Variants in UGT2B10 observed in about 807,000 individuals in gnomAD.
UGT2B10 encodes UDP-glucuronosyltransferase 2B10.
In UGT2B10, 51 loss-of-function variants were observed where a neutral mutation model predicts 43.7. The ratio of observed to expected loss-of-function variants is 1.17; its 90% CI spans 0.93 to 1.47. The LOEUF (loss-of-function observed/expected upper bound fraction) is 1.47, where lower values mean the gene tolerates loss of function less well. Ranked by LOEUF, UGT2B10 falls within the 40% of genes most tolerant of loss-of-function variation. UGT2B10 has a pLI of 0.00. For synonymous variants in UGT2B10, 225 were observed against 209.0 expected (o/e 1.08, Z -0.66); for missense variants, 696 against 617.7 (o/e 1.13, Z -1.34).
At chr4:68,817,446 C>T (rs1737268921) in intron 1 of UGT2B10, among the ~76,000 whole-genome samples, 1 of 151,672 alleles carries the variant, frequency 6.6e-6, no homozygotes. Flanking sequence ...TCAATAATTT[C>T]TCAAAAATTT....
At chr4:68,825,471 C>T (rs1031380820) in intron 3 of UGT2B10, among the ~76,000 whole-genome samples, 6 of 151,690 alleles carry the variant, frequency 4.0e-5, no homozygotes, top group African/African-American at 1.5e-4. Flanking sequence ...ATTATTTTTC[C>T]TGATCCTCTC....
chr4:68,819,295 A>T (rs145780962), intron 2 of UGT2B10, among the ~76,000 whole-genome samples: 1,820 of 152,058 alleles, frequency 0.012, 29 homozygotes, highest in African/African-American at 0.042. Context: ...AGAGAACCAG[A>T]TTATTCAGCA....
chr4:68,820,050 A>G (rs1176709659), intron 2 of UGT2B10, among the ~76,000 whole-genome samples: 3 of 151,968 alleles, frequency 2.0e-5, no homozygotes, highest in Admixed American at 6.6e-5. Context: ...AATGAAAAAT[A>G]TATGCCACTC....
chr4:68,827,371 A>G lies in UGT2B10; in HGVS notation c.1130A>G (p.Asn377Ser). 1 of 1,613,378 alleles carries G rather than the reference A, an allele frequency of 6.2e-7. No individual in the cohort carries two copies. Among genetic ancestry groups the G allele is most frequent in the Non-Finnish European group, 8.5e-7 (1 of 1,179,508 alleles). The change falls in exon 5 of 6, where the codon AAT (asparagine) becomes AGT (serine). Residue 377 changes from asparagine (N) to serine (S), a missense_variant. Coordinates refer to ENST00000265403, the MANE Select transcript of UGT2B10 (RefSeq NM_001075.6). The stretch of plus-strand genomic sequence containing the variant: ...GCTTTTATAACTCATGGTGGAGCCA[A>G]TGGCATCTATGAGGCAATCTACCAT... Reference protein sequence around the residue: ...TRAFITHGGANGIYEAIYHGI... With the variant: ...TRAFITHGGASGIYEAIYHGI...
Position 68,816,306 on chromosome 4 carries a change from T to G in UGT2B10, c.287T>G (p.Leu96Trp), listed in dbSNP as rs1737198932. The change falls in exon 1 of 6, where the codon TTG becomes TGG. Residue 96 changes from leucine (L) to tryptophan (W), a missense_variant. Leu to Trp is a moderately conservative substitution (Grantham distance 61, BLOSUM62 -2). Transcript: ENST00000265403. ...ATCATCATGCAATTGGTTAAGAGAT[T>G]GTCAGAAATTCAAAAAGATACATTT... ...ENIIMQLVKR[L>W]SEIQKDTFWL... The G allele has an allele frequency of 5.6e-6, 9 of 1,613,158 alleles. No individual in the cohort carries two copies. The East Asian group carries it at 1.8e-4, about 32-fold the overall frequency.
At position 68,816,289 on chromosome 4, in the gene UGT2B10, G is replaced by A; in HGVS notation, c.270G>A (p.Met90Ile). ...LTKTEFENIIMQLVKRLSEIQ... is the reference protein window; with the variant it reads ...LTKTEFENIIIQLVKRLSEIQ... ...AAACTGAATTTGAGAATATCATCAT[G>A]CAATTGGTTAAGAGATTGTCAGAAA... The change falls in exon 1 of 6, where the codon ATG (methionine) becomes ATA (isoleucine). Residue 90 changes from methionine to isoleucine, a missense_variant. By Grantham distance (10) the Met-to-Ile change is conservative. Transcript: ENST00000265403. 6.2e-7 allele frequency: 1 copy of A among 1,613,086 alleles called. No individual in the cohort carries two copies.
At chr4:68,817,914 C>G in intron 1 of UGT2B10, 115 bp from the exon 2 acceptor site, 1 of 1,246,802 alleles carries the variant, frequency 8.0e-7, no homozygotes, top group Non-Finnish European at 1.1e-6. Flanking sequence ...ACATATTTTT[C>G]AAAGCACACA....
chr4:68,822,754 C>A (rs1173075223), intron 3 of UGT2B10, among the ~76,000 whole-genome samples: 1 of 152,096 alleles, frequency 6.6e-6, no homozygotes, highest in African/African-American at 2.4e-5. Flanking sequence ...CAATATATTT[C>A]AGTTAAGTGA....
At position 68,826,413 on chromosome 4, in the gene UGT2B10, C is replaced by T; in HGVS notation, c.1003C>T (p.Leu335Phe). The change falls in exon 4 of 6, where the codon CTT (leucine) becomes TTT (phenylalanine). Residue 335 changes from leucine to phenylalanine, a missense_variant. Coordinates refer to ENST00000265403, the MANE Select transcript of UGT2B10 (RefSeq NM_001075.6). The part of the protein sequence containing the change: ...TALAKIPQKV[L>F]WRFDGNKPDA... ...GATATTCTCTTTACTGTAACAGGTT[C>T]TTTGGAGATTTGATGGGAATAAACC... 2 of 1,610,176 alleles carry T rather than the reference C, an allele frequency of 1.2e-6. No individual in the cohort carries two copies. Among genetic ancestry groups the T allele is most frequent in the South Asian group, 1.1e-5 (1 of 90,590 alleles).
Position 68,826,469 on chromosome 4 carries a change from C to A in UGT2B10, c.1059C>A (p.Tyr353Ter). The change falls in exon 4 of 6, where the codon TAC becomes TAA. Residue 353 changes from tyrosine to a stop codon, truncating the protein, a stop_gained. Transcript: ENST00000265403. LOFTEE classifies it high-confidence loss of function. ...PDALGLNTRL[Y>*]KWIPQNDLLG... Reference sequence around the variant, plus strand: ...CCTTAGGTCTCAATACTCGACTGTACAAGTGGATACCCCAGAATGACCTTC... The same window carrying A: ...CCTTAGGTCTCAATACTCGACTGTAAAAGTGGATACCCCAGAATGACCTTC... 5 of 1,612,370 alleles carry A rather than the reference C, an allele frequency of 3.1e-6. No individual in the cohort carries two copies. Among genetic ancestry groups the A allele is most frequent in the Non-Finnish European group, 3.4e-6 (4 of 1,179,152 alleles).
rs1737173033 is a variant in UGT2B10 at position 68,816,047 on chromosome 4, C to T, written c.28C>T (p.Leu10=). MALKWTTVL[L]IQLSFYFSSG... ...GGCTCTGAAATGGACTACAGTTCTG[C>T]TGATACAACTCAGTTTTTACTTTAG... Residue 10 remains leucine (L), a synonymous_variant, in exon 1 of 6, where the codon CTG becomes TTG. Coordinates refer to ENST00000265403, the MANE Select transcript of UGT2B10 (RefSeq NM_001075.6). The T allele has an allele frequency of 6.2e-7, 1 of 1,612,842 alleles. No individual in the cohort carries two copies. The highest frequency in any genetic ancestry group is 2.2e-5 in the East Asian group (1 of 44,818).
In UGT2B10 at chr4:68,830,782, T is replaced by C; in HGVS notation, c.1490T>C (p.Leu497Pro). Residue 497 changes from leucine (L) to proline (P), a missense_variant, in exon 6 of 6, where the codon CTG becomes CCG. Coordinates refer to ENST00000265403, the MANE Select transcript of UGT2B10 (RefSeq NM_001075.6). ...YHSLDVIGFL[L>P]ACVATVLFII... ...TCTTTGGATGTGATTGGGTTCCTGC[T>C]GGCTTGTGTGGCAACCGTGCTATTT... 1 of 1,613,424 alleles carries C rather than the reference T, an allele frequency of 6.2e-7. No homozygotes were observed. Among genetic ancestry groups the C allele is most frequent in the Non-Finnish European group, 8.5e-7 (1 of 1,179,542 alleles).
intron 3 of UGT2B10, among the ~76,000 whole-genome samples, chr4:68,825,642 A>C (rs1249756611): frequency 2.0e-5 from 3 of 152,078 alleles, no homozygotes; most frequent in Admixed American, 6.6e-5. Context: ...CCACCAGCTC[A>C]ATCCTTATCC....
intron 4 of UGT2B10, among the ~76,000 whole-genome samples, 174 bp from the exon 5 acceptor site, chr4:68,827,155 A>G (rs1560419866): frequency 6.6e-6 from 1 of 152,064 alleles, no homozygotes; most frequent in Non-Finnish European, 1.5e-5. Context: ...ACACCACCAT[A>G]TAGCCTTCAG....
chr4:68,824,386 A>C (rs1375254565), intron 3 of UGT2B10, among the ~76,000 whole-genome samples: 2 of 152,198 alleles, frequency 1.3e-5, no homozygotes, highest in Admixed American at 6.6e-5. Context: ...ACAAGGACTC[A>C]GCACTAATTA....
At chr4:68,816,827 G>A in intron 1 of UGT2B10, 90 bp downstream of exon 1, 4 of 1,101,354 alleles carry the variant, frequency 3.6e-6, no homozygotes, top group Admixed American at 2.7e-5. Flanking sequence ...TCAGGGAAGT[G>A]GAGTTTTTGG....
intron 1 of UGT2B10, 44 bp downstream of exon 1, chr4:68,816,781 G>C: frequency 2.0e-6 from 3 of 1,476,304 alleles, no homozygotes; most frequent in Non-Finnish European, 2.7e-6. Flanking sequence ...TAACTTATTT[G>C]TGTCTTTGAA....
chr4:68,820,454 G>A (rs926891243), intron 2 of UGT2B10, among the ~76,000 whole-genome samples: 2 of 151,754 alleles, frequency 1.3e-5, no homozygotes, highest in Non-Finnish European at 2.9e-5. Context: ...ATTAATCAAG[G>A]TGTACCTTTT....
At chr4:68,825,434 C>T (rs1034376045) in intron 3 of UGT2B10, among the ~76,000 whole-genome samples, 30 of 151,902 alleles carry the variant, frequency 2.0e-4, no homozygotes, top group African/African-American at 7.0e-4. Flanking sequence ...TGTTTCATCA[C>T]CCACGTATTA....
Sources: gnomAD v4.1 joint callset for allele counts (sites outside exome capture counted in the v4.1 genomes callset) on GRCh38, gnomAD v4.1.1 for gene constraint, MANE v1.5 for transcripts, NCBI Gene and HGNC (gene_info 2026-07-23, HGNC 2026-07-21) for gene names.